Variants in TBC1D12 observed in about 807,000 individuals in gnomAD.
TBC1D12 encodes TBC1 domain family member 12, also known as TBC1 domain family, member 12.
TBC1D12 carries 56 observed loss-of-function variants against 86.7 expected under a neutral mutation model. That is an observed-to-expected ratio of 0.65 (90% CI 0.52 to 0.81). The LOEUF (loss-of-function observed/expected upper bound fraction) is 0.81, where lower values mean the gene tolerates loss of function less well. TBC1D12 is among the 30% of genes least tolerant of loss of function. TBC1D12 has a pLI of 0.00. For synonymous variants in TBC1D12, 421 were observed against 411.7 expected, an observed-to-expected ratio of 1.02 and a Z score of -0.27; for missense variants, 1,023 against 1,038.8, an observed-to-expected ratio of 0.98 and a Z score of 0.21.
intron 2 of TBC1D12, among the ~76,000 whole-genome samples, chr10:94,463,235 TTTCCGTTGC>T (rs1391483386): frequency 6.6e-6 from 1 of 152,208 alleles, no homozygotes; most frequent in Non-Finnish European, 1.5e-5. Context: ...CTCAGTCCAT[TTTCCGTTGC>T]TTATAACAGA....
At chr10:94,428,282 CTT>C (rs894535771) in intron 1 of TBC1D12, among the ~76,000 whole-genome samples, 28 of 99,894 alleles carry the variant, frequency 2.8e-4, no homozygotes, top group Admixed American at 5.4e-4. Flanking sequence ...TTTGGAACTT[CTT>C]TTTTTTTTTT....
rs1589617904 is a variant in TBC1D12 at position 94,441,917 on chromosome 10, A to G, written c.993A>G (p.Thr331=). 1.2e-6 allele frequency: 2 copies of G among 1,613,008 alleles called. No homozygotes were observed. The highest frequency in any genetic ancestry group is 2.2e-5 in the East Asian group (1 of 44,750). Residue 331 remains threonine, a synonymous_variant, in exon 2 of 13, where the codon ACA becomes ACG. Transcript: ENST00000225235. ...TCAGAAACCTTTTTCCAAAAAGGAC[A>G]AAGGAACTCAAATCAGTTGTCCATA... ...FFTRNLFPKR[T]KELKSVVHSA...
At chr10:94,453,204 C>A (rs1196897147) in intron 2 of TBC1D12, among the ~76,000 whole-genome samples, 2 of 152,106 alleles carry the variant, frequency 1.3e-5, no homozygotes, top group Admixed American at 1.3e-4. Context: ...TTGGCAAATA[C>A]CTTCTTTCTA....
rs116167261 is a variant in TBC1D12, at chr10:94,427,265, G to T, written c.972-14631G>T. ...CTTACCTTCTGGTGACAAATATTTT[G>T]CCCATGTTCTGCTGATGTTTTTCCT... is the stretch of plus-strand genomic sequence containing the variant. On this transcript the variant is annotated intron_variant, in intron 1 of 12. Transcript: ENST00000225235. 7.6e-3 allele frequency among the ~76,000 whole-genome samples: 1,160 copies of T among 152,062 alleles called. 16 individuals carry two copies. The highest frequency in any genetic ancestry group is 0.027 in the African/African-American group (1,109 of 41,492).
At position 94,497,658 on chromosome 10, in the gene TBC1D12, T is replaced by A. The variant is rs547357911; in HGVS notation, c.1412+486T>A. On this transcript the variant is annotated intron_variant, in intron 5 of 12. Coordinates refer to ENST00000225235, the MANE Select transcript of TBC1D12 (RefSeq NM_015188.2). Reference sequence around the variant, plus strand: ...CCTCAGCCTCCCGAGTAGCTGGGACTACAGGCGCCTGCCACCGCGCCTGGC... The same window carrying A: ...CCTCAGCCTCCCGAGTAGCTGGGACAACAGGCGCCTGCCACCGCGCCTGGC... 1.1e-4 allele frequency among the ~76,000 whole-genome samples: 16 copies of A among 150,058 alleles called. No homozygotes were observed. In the South Asian group the frequency reaches 2.3e-3, roughly 22 times the overall value.
chr10:94,418,033 C>T (rs2055024093), intron 1 of TBC1D12, among the ~76,000 whole-genome samples: 1 of 152,092 alleles, frequency 6.6e-6, no homozygotes, highest in Non-Finnish European at 1.5e-5. Context: ...AGATTACAGA[C>T]GTGAGCCACC....
intron 2 of TBC1D12, among the ~76,000 whole-genome samples, chr10:94,473,253 G>A (rs995029310): frequency 2.6e-5 from 4 of 151,526 alleles, no homozygotes; most frequent in Non-Finnish European, 1.5e-5. Flanking sequence ...CCAGCTACTC[G>A]GGAGGCTGAG....
At chr10:94,461,527 T>C (rs1176791670) in intron 2 of TBC1D12, among the ~76,000 whole-genome samples, 1 of 152,242 alleles carries the variant, frequency 6.6e-6, no homozygotes, top group African/African-American at 2.4e-5. Flanking sequence ...GTACTCAGTC[T>C]GAGGACCTGG....
chr10:94,477,403 A>G (rs1240001502), intron 3 of TBC1D12, among the ~76,000 whole-genome samples: 8 of 152,348 alleles, frequency 5.3e-5, no homozygotes, highest in Non-Finnish European at 2.9e-5. Flanking sequence ...CTTCTACTTC[A>G]ACCAATTGAA....
chr10:94,502,263 C>T (rs1045928322), intron 6 of TBC1D12, among the ~76,000 whole-genome samples: 1 of 151,758 alleles, frequency 6.6e-6, no homozygotes, highest in Admixed American at 6.6e-5. Flanking sequence ...ACCCAGGAGG[C>T]GAAGGTTGCA....
intron 1 of TBC1D12, among the ~76,000 whole-genome samples, chr10:94,426,449 T>C (rs2055147697): frequency 6.6e-6 from 1 of 152,232 alleles, no homozygotes; most frequent in Non-Finnish European, 1.5e-5. Context: ...TGGGTTTTTC[T>C]CATTTAGACT....
Position 94,531,212 on chromosome 10 carries a change from C to T in TBC1D12, c.2011C>T (p.Leu671=), listed in dbSNP as rs775103714. 6.2e-6 allele frequency: 10 copies of T among 1,613,264 alleles called. No homozygotes were observed. The highest frequency in any genetic ancestry group is 8.5e-6 in the Non-Finnish European group (10 of 1,179,572). Reference sequence around the variant, plus strand: ...TCCCTCTAATTTTAGGATCTTCACACTATATAGCAAATCACTACCACTTGA... The same window carrying T: ...TCCCTCTAATTTTAGGATCTTCACATTATATAGCAAATCACTACCACTTGA... The part of the protein sequence containing the change: ...DIYLIDWIFT[L]YSKSLPLDLA... Residue 671 remains leucine, a synonymous_variant, in exon 12 of 13, where the codon CTA becomes TTA. Transcript: ENST00000225235.
chr10:94,442,263 T>TGAAGACCAG (rs2055394316), intron 2 of TBC1D12, among the ~76,000 whole-genome samples: 1 of 152,140 alleles, frequency 6.6e-6, no homozygotes, highest in African/African-American at 2.4e-5. Context: ...GACTTTTTTT[T>TGAAGACCAG]TTAACCAGTT....
At chr10:94,443,574 T>C (rs1589618923) in intron 2 of TBC1D12, among the ~76,000 whole-genome samples, 1 of 152,168 alleles carries the variant, frequency 6.6e-6, no homozygotes, top group East Asian at 1.9e-4. Flanking sequence ...CACACTGGGG[T>C]ACTGTGGGAT....
At chr10:94,501,286 T>C in intron 6 of TBC1D12, 1 of 150,950 alleles carries the variant, frequency 6.6e-6, no homozygotes, top group Non-Finnish European at 1.5e-5. Context: ...CCTTCTCTAC[T>C]AAAATACGAA....
At chr10:94,473,489 A>T (rs2055940647) in intron 2 of TBC1D12, among the ~76,000 whole-genome samples, 2 of 152,194 alleles carry the variant, frequency 1.3e-5, no homozygotes, top group African/African-American at 4.8e-5. Context: ...GAAAAGATGT[A>T]ACAATAGTAT....
Position 94,531,480 on chromosome 10 carries a change from T to C in TBC1D12, c.2259+20T>C. ...ACTCAGGTAGAGTGACATTTTCTTA[T>C]CTTTAATAGATGTGTTAAAGCAGTT... On this transcript the variant is annotated intron_variant, in intron 12 of 12. Coordinates refer to ENST00000225235, the MANE Select transcript of TBC1D12 (RefSeq NM_015188.2). 1 of 1,597,498 alleles carries C rather than the reference T, an allele frequency of 6.3e-7. No homozygotes were observed.
chr10:94,502,014 G>A (rs888439805), intron 6 of TBC1D12, among the ~76,000 whole-genome samples: 8 of 151,830 alleles, frequency 5.3e-5, no homozygotes, highest in African/African-American at 2.4e-5. Flanking sequence ...GGGCTACAGA[G>A]CACGACTCTG....
intron 2 of TBC1D12, among the ~76,000 whole-genome samples, chr10:94,445,036 A>G (rs1386455997): frequency 1.5e-5 from 2 of 135,392 alleles, no homozygotes; most frequent in Non-Finnish European, 3.1e-5. Context: ...CCGGCCCCTC[A>G]CATTCCCTTT....
Sources: gnomAD v4.1 joint callset for allele counts (sites outside exome capture counted in the v4.1 genomes callset) on GRCh38, gnomAD v4.1.1 for gene constraint, MANE v1.5 for transcripts, NCBI Gene and HGNC (gene_info 2026-07-23, HGNC 2026-07-21) for gene names.